SLC20A2: variants seen among roughly 807,000 people sequenced by gnomAD.
SLC20A2 encodes sodium-dependent phosphate transporter 2.
A neutral mutation model predicts 61.0 loss-of-function variants in SLC20A2; 30 were observed. The ratio of observed to expected loss-of-function variants is 0.49; its 90% CI spans 0.37 to 0.67. The LOEUF (loss-of-function observed/expected upper bound fraction) is 0.67, where lower values mean the gene tolerates loss of function less well. Among genes scored for constraint, SLC20A2 ranks in the 30% least tolerant of loss-of-function variants. The probability of loss-of-function intolerance (pLI) is 0.00; values close to 1 mark genes in which losing one functional copy is unlikely to be tolerated. For missense variants in SLC20A2, 626 were observed against 866.4 expected (o/e 0.72, Z 3.48); for synonymous variants, 351 against 353.3 (o/e 0.99, Z 0.07).
At chr8:42,418,727 G>A (rs955217300) in intron 10 of SLC20A2, among the ~76,000 whole-genome samples, 1 of 151,614 alleles carries the variant, frequency 6.6e-6, no homozygotes, top group African/African-American at 2.4e-5. Flanking sequence ...GGCCGTGCGC[G>A]GTGGCTTCCG....
chr8:42,418,821 AC>A (rs1349212741), intron 10 of SLC20A2, among the ~76,000 whole-genome samples: 1 of 150,848 alleles, frequency 6.6e-6, no homozygotes, highest in Non-Finnish European at 1.5e-5. Flanking sequence ...ACACGGTGAA[AC>A]CCCGTCTCTA....
At chr8:42,456,193 A>G (rs949165991) in intron 5 of SLC20A2, among the ~76,000 whole-genome samples, 2 of 152,178 alleles carry the variant, frequency 1.3e-5, no homozygotes, top group African/African-American at 4.8e-5. Context: ...AAAAATCGTA[A>G]TTGTCTTCTG....
At chr8:42,491,646 G>C (rs1471356420) in intron 1 of SLC20A2, among the ~76,000 whole-genome samples, 1 of 152,012 alleles carries the variant, frequency 6.6e-6, no homozygotes, top group African/African-American at 2.4e-5. Flanking sequence ...ACTCCAGCCT[G>C]GGTGACAGAG....
chr8:42,489,678 T>A (rs911342360), intron 1 of SLC20A2, among the ~76,000 whole-genome samples: 1 of 152,172 alleles, frequency 6.6e-6, no homozygotes, highest in Non-Finnish European at 1.5e-5. Context: ...TTCCCCTTGT[T>A]TTTATATTTT....
At chr8:42,532,103 AGG>A (rs1292883447) in intron 1 of SLC20A2, among the ~76,000 whole-genome samples, 1 of 152,076 alleles carries the variant, frequency 6.6e-6, no homozygotes, top group East Asian at 1.9e-4. Flanking sequence ...CTGGTATTAC[AGG>A]TGTGAGCCAC....
chr8:42,516,040 T>C (rs1252109810), intron 1 of SLC20A2, among the ~76,000 whole-genome samples: 2 of 152,176 alleles, frequency 1.3e-5, no homozygotes, highest in African/African-American at 2.4e-5. Context: ...CCTGAAGCCA[T>C]AGCGAGGGCA....
rs137978759 is a variant in SLC20A2, at chr8:42,449,045, C to G, written c.614-4283G>C. ...TGCACACCCAAGGCAAACGGTTTTT[C>G]TCCTAAAAACTCAAGACTGGCTTCT... On this transcript the variant is annotated intron_variant, in intron 5 of 10. Coordinates refer to ENST00000520262, the MANE Select transcript of SLC20A2 (RefSeq NM_001257180.2). Among the ~76,000 whole-genome samples, 475 of 152,300 alleles carry G rather than the reference C, an allele frequency of 3.1e-3. 3 individuals are homozygous for G. The highest frequency in any genetic ancestry group is 0.011 in the African/African-American group (461 of 41,560).
intron 1 of SLC20A2, among the ~76,000 whole-genome samples, chr8:42,519,055 A>C (rs1340988941): frequency 6.6e-6 from 1 of 152,218 alleles, no homozygotes; most frequent in East Asian, 1.9e-4. Flanking sequence ...CACTGTACTC[A>C]AACTGTAAGG....
intron 8 of SLC20A2, among the ~76,000 whole-genome samples, chr8:42,434,725 A>G (rs1240517927): frequency 6.6e-6 from 1 of 152,188 alleles, no homozygotes; most frequent in African/African-American, 2.4e-5. Flanking sequence ...GACTTCTAGA[A>G]TGGTGCTTTC....
intron 8 of SLC20A2, among the ~76,000 whole-genome samples, chr8:42,431,253 A>G (rs1803850636): frequency 6.6e-6 from 1 of 152,240 alleles, no homozygotes; most frequent in African/African-American, 2.4e-5. Context: ...CACATGAATA[A>G]TAAGAAAGCA....
chr8:42,541,470 G>A (rs1813151368), intron 1 of SLC20A2: 1 of 147,236 alleles, frequency 6.8e-6, no homozygotes, highest in Non-Finnish European at 1.5e-5. Context: ...GGGCGGCACT[G>A]GGGCCGCCGC....
intron 5 of SLC20A2, among the ~76,000 whole-genome samples, chr8:42,452,273 A>T (rs1472819288): frequency 7.0e-6 from 1 of 143,144 alleles, no homozygotes; most frequent in Admixed American, 7.0e-5. Flanking sequence ...ATAGAGGAGG[A>T]AGAGATGGAA....
chr8:42,443,264 GA>G (rs67478636), intron 6 of SLC20A2, among the ~76,000 whole-genome samples: 96,871 of 105,418 alleles, frequency 0.92, 44,660 homozygotes, highest in South Asian at 0.95. Context: ...ATTATTATAG[GA>G]TATATATATA....
chr8:42,426,876 G>A (rs1803452160), intron 10 of SLC20A2, among the ~76,000 whole-genome samples: 1 of 152,202 alleles, frequency 6.6e-6, no homozygotes, highest in Admixed American at 6.5e-5. Context: ...CCGTGTCCTT[G>A]GAAAAGAATG....
chr8:42,529,528 A>AT (rs11421607), intron 1 of SLC20A2, among the ~76,000 whole-genome samples: 96,265 of 151,972 alleles, frequency 0.63, 30,691 homozygotes, highest in African/African-American at 0.69. Flanking sequence ...TATTAATAGC[A>AT]TAGTAAATAG....
intron 3 of SLC20A2, among the ~76,000 whole-genome samples, chr8:42,464,092 C>CTTTTGTTTTTTTTT (rs1806934125): frequency 4.9e-5 from 1 of 20,540 alleles, no homozygotes; most frequent in Non-Finnish European, 1.0e-4. Context: ...GCTGGATGAT[C>CTTTTGTTTTTTTTT]TTTTTTTTTT....
At chr8:42,476,566 AT>A (rs1213063321) in intron 1 of SLC20A2, among the ~76,000 whole-genome samples, 1 of 152,118 alleles carries the variant, frequency 6.6e-6, no homozygotes, top group Non-Finnish European at 1.5e-5. Flanking sequence ...CAGCTTCGCC[AT>A]GGCCTGGTTT....
At chr8:42,536,895 G>A (rs534274735) in intron 1 of SLC20A2, among the ~76,000 whole-genome samples, 2 of 152,192 alleles carry the variant, frequency 1.3e-5, no homozygotes, top group East Asian at 3.9e-4. Context: ...CCAACATGGT[G>A]AAACCCCGTC....
chr8:42,487,270 C>T (rs561234370), intron 1 of SLC20A2, among the ~76,000 whole-genome samples: 39 of 149,888 alleles, frequency 2.6e-4, no homozygotes, highest in African/African-American at 7.9e-4. Context: ...CTCTGCCTCC[C>T]GGGTTCACGC....
Sources: gnomAD v4.1 joint callset for allele counts (sites outside exome capture counted in the v4.1 genomes callset) on GRCh38, gnomAD v4.1.1 for gene constraint, MANE v1.5 for transcripts, NCBI Gene and HGNC (gene_info 2026-07-23, HGNC 2026-07-21) for gene names.